RPL3L: variants seen among roughly 807,000 people sequenced by gnomAD.
RPL3L encodes the protein ribosomal protein uL3-like.
Under a neutral mutation model 44.5 loss-of-function variants are expected in RPL3L, and 44 were observed. The ratio of observed to expected loss-of-function variants is 0.99; its 90% CI spans 0.78 to 1.27. The LOEUF is 1.27. RPL3L is among the 50% of genes most tolerant of loss of function. The probability of loss-of-function intolerance (pLI) is 0.00; values close to 1 mark genes in which losing one functional copy is unlikely to be tolerated. For synonymous variants in RPL3L, 292 were observed against 230.7 expected (o/e 1.27, Z -2.41); for missense variants, 631 against 569.1 (o/e 1.11, Z -1.11).
intron 9 of RPL3L, 98 bp downstream of exon 9, chr16:1,945,401 C>T (rs900359367): frequency 8.7e-6 from 12 of 1,382,906 alleles, no homozygotes; most frequent in South Asian, 8.0e-5. Context: ...TGCAGTTGAG[C>T]TCAGGGGAGT....
At chr16:1,949,210 G>A (rs1216750807) in intron 4 of RPL3L, among the ~76,000 whole-genome samples, 2 of 149,778 alleles carry the variant, frequency 1.3e-5, no homozygotes, top group Non-Finnish European at 3.0e-5. Context: ...CACAGTGCTA[G>A]GATCACTGGT....
chr16:1,951,426 G>A (rs562509865), intron 3 of RPL3L, among the ~76,000 whole-genome samples: 1 of 152,104 alleles, frequency 6.6e-6, no homozygotes, highest in East Asian at 1.9e-4. Flanking sequence ...TTCTCTCCCA[G>A]GCTGGAGTGC....
In RPL3L at chr16:1,952,874, C is replaced by G; in HGVS notation, c.365G>C (p.Trp122Ser). The G allele has an allele frequency of 6.2e-7, 1 of 1,613,784 alleles. No individual in the cohort carries two copies. The highest frequency in any genetic ancestry group is 8.5e-7 in the Non-Finnish European group (1 of 1,180,002). Residue 122 changes from tryptophan (W) to serine (S), a missense_variant and splice_region_variant, in exon 3 of 10, where the codon TGG becomes TCG. Transcript: ENST00000268661. ...DECRRRFYKD[W>S]HKSKKKAFTK... ...CGGCCCAGCCAAGGGCGGTGCTCAC[C>G]AGTCCTTGTAGAATCGGCGCCGGCA...
At chr16:1,948,236 C>A (rs1340907454) in intron 4 of RPL3L, among the ~76,000 whole-genome samples, 1 of 149,838 alleles carries the variant, frequency 6.7e-6, no homozygotes. Flanking sequence ...CACGCCCGGC[C>A]TTTTTTTAAT....
At chr16:1,951,486 A>G (rs371328245) in intron 3 of RPL3L, among the ~76,000 whole-genome samples, 49 of 150,998 alleles carry the variant, frequency 3.2e-4, no homozygotes, top group African/African-American at 1.2e-3. Context: ...GACTCAAGCA[A>G]TCCTCCCACC....
At chr16:1,947,441 T>C in intron 4 of RPL3L, 61 bp from the exon 5 acceptor site, 1 of 1,460,526 alleles carries the variant, frequency 6.8e-7, no homozygotes, top group Non-Finnish European at 9.0e-7. Flanking sequence ...ACCTGAAACA[T>C]GGCATGGCCA....
intron 4 of RPL3L, among the ~76,000 whole-genome samples, chr16:1,949,734 CG>C (rs2083156228): frequency 3.3e-5 from 1 of 30,288 alleles, no homozygotes; most frequent in Non-Finnish European, 6.1e-5. Context: ...GCAGTATGTA[CG>C]GGGCAGGTAT....
chr16:1,954,198 G>A (rs2083191450), intron 1 of RPL3L, 50 bp from the exon 2 acceptor site: 1 of 1,479,056 alleles, frequency 6.8e-7, no homozygotes, highest in Non-Finnish European at 9.0e-7. Flanking sequence ...CCTGGTGGTA[G>A]AGCTGGATGG....
rs772989335 is a variant in RPL3L, at chr16:1,947,318, G to A, written c.564C>T (p.Gly188=). 3 of 1,611,552 alleles carry A rather than the reference G, an allele frequency of 1.9e-6. No individual in the cohort carries two copies. Among genetic ancestry groups the A allele is most frequent in the East Asian group, 4.5e-5 (2 of 44,872 alleles). ...AHIMEIQLNG[G]TVAEKVAWAQ... ...CCCAGGCCACCTTCTCGGCCACCGTGCCACCGTTCAGCTGGATCTCCATGA... is the reference window on the plus strand; with the variant it reads ...CCCAGGCCACCTTCTCGGCCACCGTACCACCGTTCAGCTGGATCTCCATGA... The change falls in exon 5 of 10, where the codon GGC becomes GGT. Residue 188 remains glycine (G), a synonymous_variant. Transcript: ENST00000268661.
rs1283672770 is a variant in RPL3L, at chr16:1,945,866, C to T, written c.1016G>A (p.Gly339Asp). ...CAGCGTAATGACCCGCTTCTTGGTACCAGCAATACAACCCTTCAGCATGAC... is the reference window on the plus strand; with the variant it reads ...CAGCGTAATGACCCGCTTCTTGGTATCAGCAATACAACCCTTCAGCATGAC... ...DFVMLKGCIAGTKKRVITLRK... is the reference protein window; with the variant it reads ...DFVMLKGCIADTKKRVITLRK... The change falls in exon 8 of 10, where the codon GGT becomes GAT. Residue 339 changes from glycine to aspartate, a missense_variant. By Grantham distance (94) the Gly-to-Asp change is moderately conservative. Transcript: ENST00000268661. 6.2e-7 allele frequency: 1 copy of T among 1,613,970 alleles called. No homozygotes were observed.
At chr16:1,947,128 G>A (rs753281381) in intron 5 of RPL3L, 30 bp from the exon 6 acceptor site, 3 of 1,613,114 alleles carry the variant, frequency 1.9e-6, no homozygotes, top group Non-Finnish European at 1.7e-6. Context: ...GTGGCTGAGA[G>A]GCCAGGCTGG....
At chr16:1,945,475 C>G in intron 9 of RPL3L, 24 bp downstream of exon 9, 1 of 1,595,866 alleles carries the variant, frequency 6.3e-7, no homozygotes, top group African/African-American at 1.3e-5. Context: ...CAGAGAAGAA[C>G]AAGGATGGGG....
rs1418885457 is a variant in RPL3L, at chr16:1,947,510, G to A, written c.502-130C>T. On this transcript the variant is annotated intron_variant, in intron 4 of 9. Coordinates refer to ENST00000268661, the MANE Select transcript of RPL3L (RefSeq NM_005061.3). ...CATTCACAGGTGTTCCCAGGATCAGGTTGCAACCCATGTGTTGTGCTAGGC... is the reference window on the plus strand; with the variant it reads ...CATTCACAGGTGTTCCCAGGATCAGATTGCAACCCATGTGTTGTGCTAGGC... 6.0e-6 allele frequency: 7 copies of A among 1,160,714 alleles called. No individual in the cohort carries two copies. The African/African-American group carries it at 9.3e-5, about 15-fold the overall frequency. 71.9% of individuals were successfully genotyped at this position (1,160,714 alleles called of 1,614,324 possible). A position where few individuals can be genotyped will look rare whatever the true frequency, so the allele number is the denominator to read the frequency against.
intron 4 of RPL3L, among the ~76,000 whole-genome samples, chr16:1,948,002 A>G (rs1304918402): frequency 7.2e-6 from 1 of 138,478 alleles, no homozygotes; most frequent in Non-Finnish European, 1.5e-5. Flanking sequence ...CAATGGCATG[A>G]TCTCGGCTCA....
At position 1,945,558 on chromosome 16, in the gene RPL3L, T is replaced by C; in HGVS notation, c.1108A>G (p.Thr370Ala). 1.2e-6 allele frequency: 2 copies of C among 1,613,738 alleles called. No individual in the cohort carries two copies. The highest frequency in any genetic ancestry group is 1.1e-5 in the South Asian group (1 of 91,074). The stretch of plus-strand genomic sequence containing the variant: ...CGGCCATGGCCGAACTTGGAGGTGG[T>C]GTCAATGAACTTGAGCTCAATATTC... ...VENIELKFID[T>A]TSKFGHGRFQ... The change falls in exon 9 of 10, where the codon ACC (threonine) becomes GCC (alanine). Residue 370 changes from threonine (T) to alanine (A), a missense_variant. By Grantham distance (58) the Thr-to-Ala change is moderately conservative. Coordinates refer to ENST00000268661, the MANE Select transcript of RPL3L (RefSeq NM_005061.3).
intron 4 of RPL3L, among the ~76,000 whole-genome samples, chr16:1,947,999 A>G (rs553777398): frequency 5.8e-4 from 80 of 137,686 alleles, no homozygotes; most frequent in East Asian, 2.6e-3. Context: ...GTGCAATGGC[A>G]TGATCTCGGC....
intron 7 of RPL3L, 25 bp downstream of exon 7, chr16:1,946,600 G>C (rs1340116886): frequency 6.2e-7 from 1 of 1,605,172 alleles, no homozygotes; most frequent in African/African-American, 1.3e-5. Context: ...TGATGGGCCT[G>C]GCAGTCGCCC....
chr16:1,950,922 G>T lies in RPL3L; in HGVS notation c.423C>A (p.Asp141Glu). The change falls in exon 4 of 10, where the codon GAC (aspartate) becomes GAA (glutamate). Residue 141 changes from aspartate (D) to glutamate (E), a missense_variant. By Grantham distance (45) the Asp-to-Glu change is conservative. Transcript: ENST00000268661. ...AGTCCTTCTGTAGCTGCTTTTTCCC[G>T]TCTGTGTCCCGCCACCTCTTGCAGG... ...TKACKRWRDT[D>E]GKKQLQKDFA... 6.2e-7 allele frequency: 1 copy of T among 1,613,952 alleles called. No individual in the cohort carries two copies.
At chr16:1,951,070 G>T in intron 3 of RPL3L, 91 bp from the exon 4 acceptor site, 1 of 1,524,322 alleles carries the variant, frequency 6.6e-7, no homozygotes, top group Non-Finnish European at 8.8e-7. Context: ...AGCCCACCAA[G>T]CAGGGGTCCT....
Sources: allele counts gnomAD v4.1 joint callset (sites outside exome capture counted in the v4.1 genomes callset), GRCh38; gene constraint gnomAD v4.1.1; transcripts MANE v1.5; gene names NCBI Gene and HGNC (gene_info 2026-07-23, HGNC 2026-07-21).